Variants in ABTB2 observed in about 807,000 individuals in gnomAD.
ABTB2 encodes the protein ankyrin repeat and BTB domain containing 2.
ABTB2 carries 56 observed loss-of-function variants against 104.1 expected under a neutral mutation model. The observed-to-expected ratio is 0.54, with a 90% CI of 0.43 to 0.67. The LOEUF (loss-of-function observed/expected upper bound fraction) is 0.67. ABTB2 is among the 30% of genes least tolerant of loss of function. The pLI is 0.00. For missense variants in ABTB2, 1,279 were observed against 1,407.7 expected, an observed-to-expected ratio of 0.91 and a Z score of 1.46; for synonymous variants, 606 against 608.2, an observed-to-expected ratio of 1.00 and a Z score of 0.05.
intron 1 of ABTB2, among the ~76,000 whole-genome samples, chr11:34,277,749 C>G (rs1241221590): frequency 6.7e-6 from 1 of 150,212 alleles, no homozygotes; most frequent in African/African-American, 2.4e-5. Context: ...GCCTGGGTGA[C>G]AGAGCAAGAC....
At chr11:34,278,070 T>C (rs1436591174) in intron 1 of ABTB2, among the ~76,000 whole-genome samples, 3 of 152,024 alleles carry the variant, frequency 2.0e-5, no homozygotes, top group Non-Finnish European at 2.9e-5. Flanking sequence ...GCCAAAGTGC[T>C]GGGATTACAG....
chr11:34,153,606 A>T (rs1852579333), intron 16 of ABTB2, among the ~76,000 whole-genome samples: 1 of 152,168 alleles, frequency 6.6e-6, no homozygotes, highest in Admixed American at 6.5e-5. Flanking sequence ...ATCCTCCCAA[A>T]GTACTGGGAT....
In ABTB2 at chr11:34,354,515, G is replaced by A. The variant is rs374081951; in HGVS notation, c.883+2186C>T. Among the ~76,000 whole-genome samples, 595 of 151,782 alleles carry A rather than the reference G, an allele frequency of 3.9e-3. 5 individuals carry two copies. Among genetic ancestry groups the A allele is most frequent in the African/African-American group, 0.014 (557 of 41,248 alleles). ...GGGGGGTGGGGGTGGGGGGGTAGGT[G>A]GTGCCAAAAGACCAACTTATAAAGG... On this transcript the variant is annotated intron_variant, in intron 1 of 16. Transcript: ENST00000435224.
chr11:34,255,590 C>T (rs1303523291), intron 1 of ABTB2, among the ~76,000 whole-genome samples: 1 of 151,926 alleles, frequency 6.6e-6, no homozygotes, highest in Non-Finnish European at 1.5e-5. Flanking sequence ...GCGATTTCAA[C>T]TTCAACTCAA....
intron 1 of ABTB2, among the ~76,000 whole-genome samples, chr11:34,214,551 TTTTTTA>T: frequency 7.5e-6 from 1 of 133,524 alleles, no homozygotes; most frequent in African/African-American, 3.2e-5. Context: ...TTTTTTTTTT[TTTTTTA>T]AAGTCAGGTT....
chr11:34,177,576 C>T lies in ABTB2; in HGVS notation c.1245-4269G>A, dbSNP rs184117725. 2.9e-4 allele frequency among the ~76,000 whole-genome samples: 44 copies of T among 152,208 alleles called. No individual in the cohort carries two copies. In the East Asian group the frequency reaches 8.1e-3, roughly 28 times the overall value. The stretch of plus-strand genomic sequence containing the variant: ...CTGAGGGTTTTTTTTTCCTACAGAA[C>T]ATTCCAGTCCAGTTTCCACCTATCT... On this transcript the variant is annotated intron_variant, in intron 3 of 16. Coordinates refer to ENST00000435224, the MANE Select transcript of ABTB2 (RefSeq NM_145804.3).
chr11:34,328,644 C>T (rs1238370174), intron 1 of ABTB2, among the ~76,000 whole-genome samples: 3 of 152,170 alleles, frequency 2.0e-5, no homozygotes. Context: ...TCCATGATGC[C>T]TCTAGAGATG....
intron 1 of ABTB2, among the ~76,000 whole-genome samples, chr11:34,213,970 A>C (rs536998400): frequency 6.6e-6 from 1 of 152,112 alleles, no homozygotes; most frequent in Non-Finnish European, 1.5e-5. Flanking sequence ...GAACTTAGTG[A>C]CCCAGGGAGC....
intron 3 of ABTB2, among the ~76,000 whole-genome samples, chr11:34,191,276 A>G (rs953642983): frequency 1.3e-5 from 2 of 152,196 alleles, no homozygotes; most frequent in Non-Finnish European, 2.9e-5. Context: ...CTTAAAGAGA[A>G]AAAAAGCCCC....
At chr11:34,305,761 C>T (rs544171044) in intron 1 of ABTB2, among the ~76,000 whole-genome samples, 30 of 152,268 alleles carry the variant, frequency 2.0e-4, no homozygotes, top group African/African-American at 6.7e-4. Context: ...TACTCATATA[C>T]CCTTTACCTA....
intron 1 of ABTB2, among the ~76,000 whole-genome samples, chr11:34,283,517 G>C (rs1015473456): frequency 1.3e-5 from 2 of 152,134 alleles, no homozygotes; most frequent in South Asian, 4.1e-4. Context: ...CACCCAGCCT[G>C]TAAAAAAGTC....
chr11:34,277,908 G>A (rs1020211921), intron 1 of ABTB2, among the ~76,000 whole-genome samples: 2 of 145,408 alleles, frequency 1.4e-5, no homozygotes, highest in Non-Finnish European at 3.0e-5. Context: ...GGGTTCAAGC[G>A]ATTGTCCTGC....
At chr11:34,164,943 C>T in intron 8 of ABTB2, 122 bp from the exon 9 acceptor site, 1 of 1,212,046 alleles carries the variant, frequency 8.3e-7, no homozygotes, top group Non-Finnish European at 1.1e-6. Flanking sequence ...TCAGTAAACC[C>T]CACACTCATC....
chr11:34,205,614 CT>C (rs1853400016), intron 1 of ABTB2, among the ~76,000 whole-genome samples: 5 of 146,750 alleles, frequency 3.4e-5, no homozygotes, highest in African/African-American at 1.0e-4. Context: ...TTTTTTTTTT[CT>C]TTTTTAAAGA....
intron 1 of ABTB2, among the ~76,000 whole-genome samples, chr11:34,255,841 C>T (rs1854116016): frequency 6.6e-6 from 1 of 151,808 alleles, no homozygotes; most frequent in Non-Finnish European, 1.5e-5. Context: ...TTTTTTTTCC[C>T]CTCCTCTACC....
intron 3 of ABTB2, among the ~76,000 whole-genome samples, chr11:34,195,901 C>T (rs181827881): frequency 5.9e-5 from 9 of 152,278 alleles, no homozygotes; most frequent in Admixed American, 2.0e-4. Context: ...CCAAAGACAG[C>T]GGACAGCCAG....
At chr11:34,173,127 G>A (rs757271934) in intron 4 of ABTB2, 28 bp downstream of exon 4, 5 of 1,612,700 alleles carry the variant, frequency 3.1e-6, no homozygotes, top group Admixed American at 1.7e-5. Context: ...CATGGATGCC[G>A]GGGCCCTCCC....
At chr11:34,198,513 T>C (rs927428481) in intron 2 of ABTB2, among the ~76,000 whole-genome samples, 2 of 151,892 alleles carry the variant, frequency 1.3e-5, no homozygotes, top group South Asian at 4.1e-4. Context: ...CATATATTCA[T>C]TCTCCTGGCC....
At chr11:34,194,262 C>A (rs2133034232) in intron 3 of ABTB2, among the ~76,000 whole-genome samples, 1 of 152,266 alleles carries the variant, frequency 6.6e-6, no homozygotes, top group Non-Finnish European at 1.5e-5. Flanking sequence ...CCAAACAAAC[C>A]CAGAGAGCCA....
Sources: allele counts gnomAD v4.1 joint callset (sites outside exome capture counted in the v4.1 genomes callset), GRCh38; gene constraint gnomAD v4.1.1; transcripts MANE v1.5; gene names NCBI Gene and HGNC (gene_info 2026-07-23, HGNC 2026-07-21).